The following ACOT11 variants were observed in gnomAD, a reference collection of about 807,000 sequenced individuals.
ACOT11 encodes acyl-coenzyme A thioesterase 11.
In ACOT11, 69 loss-of-function variants were observed where a neutral mutation model predicts 77.5. That is an observed-to-expected ratio of 0.89 (90% CI 0.73 to 1.09). The LOEUF (loss-of-function observed/expected upper bound fraction) is 1.09, where lower values mean the gene tolerates loss of function less well. Ranked by LOEUF, ACOT11 falls within the 50% of genes least tolerant of loss-of-function variation. The pLI, the probability that ACOT11 is intolerant of heterozygous loss-of-function variation, is 0.00. For missense variants in ACOT11, 766 were observed against 813.7 expected (o/e 0.94, Z 0.71); for synonymous variants, 279 against 313.0 (o/e 0.89, Z 1.15).
In ACOT11 at chr1:54,607,180, C is replaced by A. The variant is rs145828072; in HGVS notation, c.1417C>A (p.His473Asn). The change falls in exon 14 of 16, where the codon CAC becomes AAC. Residue 473 changes from histidine (H) to asparagine (N), a missense_variant. By Grantham distance (68) the His-to-Asn change is moderately conservative. Coordinates refer to ENST00000343744, the MANE Select transcript of ACOT11 (RefSeq NM_147161.4). This position sits in a 1 kb window ranked among gnomAD's most constrained non-coding sequence, Gnocchi z 4.5. ...GGTAGACGAGGACGACGCCATCTAC[C>A]ACGTCACCAGCCCTGCCCTCGGAGG... ...QQVDEDDAIYHVTSPALGGHT... is the reference protein window; with the variant it reads ...QQVDEDDAIYNVTSPALGGHT... 5 of 1,614,086 alleles carry A rather than the reference C, an allele frequency of 3.1e-6. No homozygotes were observed. In the African/African-American group the frequency reaches 5.3e-5, roughly 17 times the overall value.
At chr1:54,611,679 C>T, downstream of ACOT11, 1 of 1,614,070 alleles carries the variant, frequency 6.2e-7, no homozygotes, top group Non-Finnish European at 8.5e-7. Context: ...CAGTGTTATC[C>T]CGGACGTAGA....
intron 1 of ACOT11, among the ~76,000 whole-genome samples, chr1:54,556,979 C>T (rs1653278857): frequency 6.6e-6 from 1 of 152,108 alleles, no homozygotes; most frequent in Non-Finnish European, 1.5e-5. Flanking sequence ...GATCATAGCT[C>T]ACTGTGGCTA....
intron 1 of ACOT11, among the ~76,000 whole-genome samples, chr1:54,581,764 G>A (rs1654317065): frequency 6.6e-6 from 1 of 152,078 alleles, no homozygotes; most frequent in African/African-American, 2.4e-5. Context: ...TCTATCCAGG[G>A]CCTCTCCTCT....
chr1:54,609,545 A>G lies in ACOT11; in HGVS notation c.*433A>G. The G allele has an allele frequency of 6.2e-7, 1 of 1,612,850 alleles. No individual in the cohort carries two copies. Among genetic ancestry groups the G allele is most frequent in the Non-Finnish European group, 8.5e-7 (1 of 1,180,024 alleles). ...CTGGCACAACTCTAGCATATCTGTG[A>G]GCAGCTGTTCCCTGTAGCCACTGCC... On this transcript the variant is annotated 3_prime_UTR_variant, in exon 16 of 16. Transcript: ENST00000343744.
At chr1:54,587,849 A>G (rs1384313981) in intron 3 of ACOT11, among the ~76,000 whole-genome samples, 1 of 151,790 alleles carries the variant, frequency 6.6e-6, no homozygotes, top group East Asian at 2.0e-4. Flanking sequence ...GGCGTGAGCC[A>G]CCCTGCCCAG....
chr1:54,625,530 G>A (rs1393451491), intron 15 of ACOT11, among the ~76,000 whole-genome samples: 2 of 152,120 alleles, frequency 1.3e-5, no homozygotes, highest in Admixed American at 6.6e-5. Context: ...TATGATAGCC[G>A]CAAAAAGTTA....
downstream of ACOT11, chr1:54,614,713 C>T: frequency 6.2e-7 from 1 of 1,613,372 alleles, no homozygotes; most frequent in Non-Finnish European, 8.5e-7. Context: ...GTGGCATTGA[C>T]CTCAGTTGAG....
intron 1 of ACOT11, among the ~76,000 whole-genome samples, chr1:54,579,270 G>A (rs1359194058): frequency 2.0e-5 from 3 of 152,052 alleles, no homozygotes; most frequent in Non-Finnish European, 2.9e-5. Context: ...CAAGGCCCAT[G>A]CAGCTCTCTT....
Position 54,633,200 on chromosome 1 carries a change from A to G in ACOT11, c.1783-1488A>G, listed in dbSNP as rs533003185. Among the ~76,000 whole-genome samples, 3 of 152,344 alleles carry G rather than the reference A, an allele frequency of 2.0e-5. No homozygotes were observed. In the South Asian group the frequency reaches 6.2e-4, roughly 32 times the overall value. ...ATACCTTTAAAATGGTTAACAGATA[A>G]GCCAATTTGGATAGCACATTGGCCA... is the stretch of plus-strand genomic sequence containing the variant. On this transcript the variant is annotated intron_variant, in intron 16 of 16. Coordinates refer to the ACOT11 transcript ENST00000371316.
chr1:54,580,950 T>C (rs533529906), intron 1 of ACOT11, among the ~76,000 whole-genome samples: 2 of 152,254 alleles, frequency 1.3e-5, no homozygotes, highest in East Asian at 1.9e-4. Context: ...GAAACGTATA[T>C]GGTCTGGAGC....
chr1:54,554,511 C>T (rs1292289773), intron 1 of ACOT11, among the ~76,000 whole-genome samples: 1 of 136,728 alleles, frequency 7.3e-6, no homozygotes, highest in Admixed American at 7.3e-5. Flanking sequence ...CACCACTGTG[C>T]CCAGCTAATT....
intron 15 of ACOT11, chr1:54,615,993 G>A (rs200435280): frequency 2.0e-5 from 33 of 1,610,948 alleles, no homozygotes; most frequent in Middle Eastern, 2.1e-4. Flanking sequence ...GCTGGGGGCC[G>A]GAGAGGGTTT....
chr1:54,609,137 C>T lies in ACOT11; in HGVS notation c.*25C>T. On this transcript the variant is annotated 3_prime_UTR_variant, in exon 16 of 16. Transcript: ENST00000343744. Reference sequence around the variant, plus strand: ...GATGCCCTCAGTGGCCACATCATGCCCACTCCCACTCCATCCTGTCCCCAA... The same window carrying T: ...GATGCCCTCAGTGGCCACATCATGCTCACTCCCACTCCATCCTGTCCCCAA... 2 of 1,613,742 alleles carry T rather than the reference C, an allele frequency of 1.2e-6. No homozygotes were observed. Among genetic ancestry groups the T allele is most frequent in the Non-Finnish European group, 1.7e-6 (2 of 1,179,786 alleles).
chr1:54,625,778 A>G (rs926980948), intron 15 of ACOT11, among the ~76,000 whole-genome samples: 3 of 151,496 alleles, frequency 2.0e-5, no homozygotes, highest in Non-Finnish European at 4.4e-5. Context: ...TCTCTACTAA[A>G]AAATACAAAA....
downstream of ACOT11, chr1:54,614,918 C>A: frequency 6.4e-7 from 1 of 1,562,022 alleles, no homozygotes. Context: ...ATACATGACT[C>A]CCTGGGCAGA....
At chr1:54,557,074 T>A (rs1056829377) in intron 1 of ACOT11, among the ~76,000 whole-genome samples, 1 of 151,578 alleles carries the variant, frequency 6.6e-6, no homozygotes, top group Non-Finnish European at 1.5e-5. Flanking sequence ...CCTGGCAGAT[T>A]TTTTATTTAA....
chr1:54,610,119 C>G lies in ACOT11; in HGVS notation c.*1007C>G. On this transcript the variant is annotated 3_prime_UTR_variant, in exon 16 of 16. Coordinates refer to ENST00000343744, the MANE Select transcript of ACOT11 (RefSeq NM_147161.4). Reference sequence around the variant, plus strand: ...GGTTGCTTTATAAATGTGCCTGGTGCATGAGAAACTCTTGTTTCAGCTCTT... The same window carrying G: ...GGTTGCTTTATAAATGTGCCTGGTGGATGAGAAACTCTTGTTTCAGCTCTT... The G allele has an allele frequency of 7.0e-7, 1 of 1,433,894 alleles. No individual in the cohort carries two copies. Among genetic ancestry groups the G allele is most frequent in the Non-Finnish European group, 9.1e-7 (1 of 1,099,586 alleles). 88.8% of individuals were successfully genotyped at this position (1,433,894 alleles called of 1,614,324 possible).
intron 1 of ACOT11, among the ~76,000 whole-genome samples, chr1:54,561,432 TC>T (rs1271570823): frequency 3.5e-5 from 4 of 115,450 alleles, no homozygotes; most frequent in African/African-American, 1.5e-4. Flanking sequence ...AGGTCACAGA[TC>T]AACAGGATCC....
In ACOT11 at chr1:54,553,150, ACT is replaced by A. The variant is rs367917389; in HGVS notation, c.33+4811_33+4812del. ...CCAGTGTTCTTAATTTATCTGGAGG[ACT>A]CTTTTTTTGCTCTCCAAAATTTTAT... is the stretch of plus-strand genomic sequence containing the variant. On this transcript the variant is annotated intron_variant, in intron 1 of 15. Coordinates refer to ENST00000343744, the MANE Select transcript of ACOT11 (RefSeq NM_147161.4). Among the ~76,000 whole-genome samples the A allele has an allele frequency of 3.4e-3, 508 of 151,420 alleles. 3 individuals carry two copies. The highest frequency in any genetic ancestry group is 0.011 in the African/African-American group (473 of 41,298).
Sources: allele counts gnomAD v4.1 joint callset (sites outside exome capture counted in the v4.1 genomes callset), GRCh38; gene constraint gnomAD v4.1.1; non-coding constraint Gnocchi (gnomAD v3.1); transcripts MANE v1.5; gene names NCBI Gene and HGNC (gene_info 2026-07-23, HGNC 2026-07-21).